Variants in CAMKK2 observed in about 807,000 individuals in gnomAD.
CAMKK2 encodes the protein calcium/calmodulin-dependent protein kinase kinase 2.
CAMKK2 carries 30 observed loss-of-function variants against 67.2 expected under a neutral mutation model. That is an observed-to-expected ratio of 0.45 (90% CI 0.33 to 0.61). The LOEUF (loss-of-function observed/expected upper bound fraction) is 0.61, where lower values mean the gene tolerates loss of function less well. Among genes scored for constraint, CAMKK2 ranks in the 20% least tolerant of loss-of-function variants. The probability of loss-of-function intolerance (pLI) is 0.02; values close to 1 mark genes in which losing one functional copy is unlikely to be tolerated. For missense variants in CAMKK2, 643 were observed against 802.0 expected (o/e 0.80, Z 2.39); for synonymous variants, 322 against 326.2 (o/e 0.99, Z 0.14).
At position 121,274,189 on chromosome 12, in the gene CAMKK2, C is replaced by A; in HGVS notation, c.338G>T (p.Gly113Val). Residue 113 changes from glycine to valine, a missense_variant, in exon 2 of 17, where the codon GGC (glycine) becomes GTC (valine). Physicochemically the swap from Gly to Val is moderately radical, Grantham distance 109. Transcript: ENST00000404169. ...GCAGCGTCCGTTCATGTCCAGGCTG[C>A]CACCGGCTGCCAGCCCACCCTGGGA... Reference protein sequence around the residue: ...ERSQGGLAAGGSLDMNGRCIC... With the variant: ...ERSQGGLAAGVSLDMNGRCIC... The A allele has an allele frequency of 2.5e-6, 4 of 1,600,592 alleles. 1 individual carries two copies. The South Asian group carries it at 4.4e-5, about 18-fold the overall frequency.
Position 121,268,678 on chromosome 12 carries a change from C to G in CAMKK2, c.585G>C (p.Val195=). The G allele has an allele frequency of 6.2e-7, 1 of 1,614,086 alleles. No homozygotes were observed. ...ENDNTYYAMK[V]LSKKKLIRQA... ...GCCGGATCAGCTTCTTTTTGGACAG[C>G]ACCTTCATTGCCTGCAGGAAAATGA... Residue 195 remains valine, a synonymous_variant, in exon 5 of 17, where the codon GTG becomes GTC. Coordinates refer to ENST00000404169, the MANE Select transcript of CAMKK2 (RefSeq NM_001270485.2).
chr12:121,267,262 C>T (rs1249149660), intron 5 of CAMKK2, among the ~76,000 whole-genome samples: 2 of 148,898 alleles, frequency 1.3e-5, no homozygotes, highest in African/African-American at 2.5e-5. Context: ...CAGATGCATG[C>T]CACCATGCCT....
At chr12:121,280,048 G>A (rs920194034) in intron 1 of CAMKK2, among the ~76,000 whole-genome samples, 3 of 152,222 alleles carry the variant, frequency 2.0e-5, no homozygotes, top group Non-Finnish European at 2.9e-5. Flanking sequence ...AAACAGCTCC[G>A]AGGATCCTGC....
chr12:121,243,194 G>A lies in CAMKK2; in HGVS notation c.1596+1379C>T, dbSNP rs1026296719. Among the ~76,000 whole-genome samples, 11 of 151,462 alleles carry A rather than the reference G, an allele frequency of 7.3e-5. No individual in the cohort carries two copies. In the East Asian group the frequency reaches 9.7e-4, roughly 13 times the overall value. On this transcript the variant is annotated intron_variant, in intron 16 of 16. Coordinates refer to ENST00000404169, the MANE Select transcript of CAMKK2 (RefSeq NM_001270485.2). ...ACTACAAGTGTGCGCCACCATGCCC[G>A]GCTAATATTTGTATTTTTAGTAGAG...
chr12:121,288,099 T>C (rs1593505582), intron 1 of CAMKK2, among the ~76,000 whole-genome samples: 1 of 151,798 alleles, frequency 6.6e-6, no homozygotes, highest in South Asian at 2.1e-4. Flanking sequence ...AGGAGGGAGG[T>C]ATTTGGAAAT....
chr12:121,289,186 G>C (rs191966825), intron 1 of CAMKK2, among the ~76,000 whole-genome samples: 9 of 152,036 alleles, frequency 5.9e-5, no homozygotes, highest in South Asian at 2.1e-4. Flanking sequence ...TTTCCAAAAA[G>C]CGAGCCAGTT....
intron 14 of CAMKK2, among the ~76,000 whole-genome samples, chr12:121,246,076 C>T (rs751791239): frequency 1.3e-5 from 2 of 151,588 alleles, no homozygotes; most frequent in Non-Finnish European, 2.9e-5. Context: ...GAGTGGGTGC[C>T]AGGGCTGGGG....
Position 121,244,603 on chromosome 12 carries a change from G to C in CAMKK2, c.1566C>G (p.Thr522=). Residue 522 remains threonine (T), a synonymous_variant, in exon 16 of 17, where the codon ACC becomes ACG. Coordinates refer to ENST00000404169, the MANE Select transcript of CAMKK2 (RefSeq NM_001270485.2). ...APGNLLTKKP[T]RECESLSELK... ...GCTCAGACAGGGACTCACATTCCCT[G>C]GTTGGTTTTTTGCTGGAATCACCAG... The C allele has an allele frequency of 6.4e-7, 1 of 1,565,250 alleles. No individual in the cohort carries two copies. Among genetic ancestry groups the C allele is most frequent in the Non-Finnish European group, 8.7e-7 (1 of 1,154,504 alleles).
rs1255696089 is a variant in CAMKK2 at position 121,240,843 on chromosome 12, T to C, written c.1623A>G (p.Pro541=). The change falls in exon 17 of 17, where the codon CCA becomes CCG. Residue 541 remains proline (P), a synonymous_variant. Transcript: ENST00000404169. The surrounding 1 kb of genome is among the most constrained non-coding windows in gnomAD (Gnocchi z 4.4). The stretch of plus-strand genomic sequence containing the variant: ...CCCCACGGGGGGCGGGTCGGTGCCC[T>C]GGAGGTTGTCTTCGCTGCCTTGCTT... ...LKEARQRRQP[P]GHRPAPRGGG... 1.2e-6 allele frequency: 2 copies of C among 1,612,500 alleles called. No homozygotes were observed. Among genetic ancestry groups the C allele is most frequent in the African/African-American group, 1.3e-5 (1 of 75,046 alleles).
intron 1 of CAMKK2, among the ~76,000 whole-genome samples, chr12:121,281,907 T>C (rs766956422): frequency 2.0e-5 from 3 of 152,138 alleles, no homozygotes; most frequent in Non-Finnish European, 2.9e-5. Flanking sequence ...GATTGGGCCA[T>C]TGCACTCTAG....
At chr12:121,289,187 C>T (rs1158249695) in intron 1 of CAMKK2, among the ~76,000 whole-genome samples, 1 of 151,870 alleles carries the variant, frequency 6.6e-6, no homozygotes, top group African/African-American at 2.4e-5. Flanking sequence ...TTCCAAAAAG[C>T]GAGCCAGTTT....
Position 121,274,392 on chromosome 12 carries a change from G to A in CAMKK2, c.135C>T (p.Ile45=). Residue 45 remains isoleucine (I), a synonymous_variant, in exon 2 of 17, where the codon ATC becomes ATT. Coordinates refer to ENST00000404169, the MANE Select transcript of CAMKK2 (RefSeq NM_001270485.2). The part of the protein sequence containing the change: ...EALRGLSSLS[I]HLGMESFIVV... Reference sequence around the variant, plus strand: ...CAATGAAGGACTCCATGCCCAGGTGGATGCTCAAGGATGAGAGGCCCCGCA... The same window carrying A: ...CAATGAAGGACTCCATGCCCAGGTGAATGCTCAAGGATGAGAGGCCCCGCA... 7 of 1,613,458 alleles carry A rather than the reference G, an allele frequency of 4.3e-6. No homozygotes were observed. Among genetic ancestry groups the A allele is most frequent in the Non-Finnish European group, 5.9e-6 (7 of 1,179,948 alleles).
chr12:121,269,623 A>C, intron 3 of CAMKK2, 42 bp from the exon 4 acceptor site: 1 of 1,499,128 alleles, frequency 6.7e-7, no homozygotes, highest in Non-Finnish European at 9.2e-7. Context: ...TCCAGAAGTT[A>C]AGATCTGCAA....
At chr12:121,276,680 T>C (rs1896870734) in intron 1 of CAMKK2, among the ~76,000 whole-genome samples, 2 of 151,628 alleles carry the variant, frequency 1.3e-5, no homozygotes, top group Non-Finnish European at 2.9e-5. Flanking sequence ...ACAAAGGGTC[T>C]CTCTGGACCA....
intron 7 of CAMKK2, among the ~76,000 whole-genome samples, chr12:121,259,673 A>G (rs748420512): frequency 1.8e-4 from 27 of 152,158 alleles, no homozygotes; most frequent in Non-Finnish European, 3.8e-4. Flanking sequence ...TTAATTTTTT[A>G]GCCTTGTCCT....
rs570629850 is a variant in CAMKK2, at chr12:121,240,307, G to A, written c.*392C>T. 21 of 850,486 alleles carry A rather than the reference G, an allele frequency of 2.5e-5. No homozygotes were observed. The South Asian group carries it at 3.6e-4, about 15-fold the overall frequency. 52.7% of individuals were successfully genotyped at this position (850,486 alleles called of 1,614,324 possible). On this transcript the variant is annotated 3_prime_UTR_variant, in exon 17 of 17. Coordinates refer to ENST00000404169, the MANE Select transcript of CAMKK2 (RefSeq NM_001270485.2). The surrounding 1 kb of genome is among the most constrained non-coding windows in gnomAD (Gnocchi z 4.4). ...GCAACCACCTCCATGGCCTCAGACC[G>A]CCGGAGTTTTCTGCTCGCCTTTCCA...
At position 121,240,640 on chromosome 12, in the gene CAMKK2, G is replaced by A. The variant is rs1231500751; in HGVS notation, c.*59C>T. On this transcript the variant is annotated 3_prime_UTR_variant, in exon 17 of 17. Transcript: ENST00000404169. This position sits in a 1 kb window ranked among gnomAD's most constrained non-coding sequence, Gnocchi z 4.4. Reference sequence around the variant, plus strand: ...GTAGGACATGCTGCTATGGAAACGCGGTGCAGCAGCCCCCCAGAGGCGACG... The same window carrying A: ...GTAGGACATGCTGCTATGGAAACGCAGTGCAGCAGCCCCCCAGAGGCGACG... 1.3e-6 allele frequency: 2 copies of A among 1,539,304 alleles called. No individual in the cohort carries two copies. The highest frequency in any genetic ancestry group is 1.4e-5 in the African/African-American group (1 of 72,788).
intron 16 of CAMKK2, chr12:121,243,942 G>T (rs75456247): frequency 6.9e-6 from 10 of 1,442,622 alleles, no homozygotes; most frequent in Non-Finnish European, 9.1e-6. Flanking sequence ...CTGCAGCAGG[G>T]GTGCCCAGCA....
At chr12:121,271,832 C>G (rs1895840121) in intron 2 of CAMKK2, among the ~76,000 whole-genome samples, 1 of 152,158 alleles carries the variant, frequency 6.6e-6, no homozygotes. Context: ...CTCAGCCTCC[C>G]AAGTAGCTGG....
Sources: allele counts gnomAD v4.1 joint callset (sites outside exome capture counted in the v4.1 genomes callset), GRCh38; gene constraint gnomAD v4.1.1; non-coding constraint Gnocchi (gnomAD v3.1); transcripts MANE v1.5; gene names NCBI Gene and HGNC (gene_info 2026-07-23, HGNC 2026-07-21).